PRRC2B: variants seen among roughly 807,000 people sequenced by gnomAD.
The protein encoded by PRRC2B is proline rich coiled-coil 2B, also known as protein PRRC2B.
A neutral mutation model predicts 242.3 loss-of-function variants in PRRC2B; 68 were observed. The ratio of observed to expected loss-of-function variants is 0.28; its 90% CI spans 0.23 to 0.34. The LOEUF is 0.34. Among genes scored for constraint, PRRC2B ranks in the 10% least tolerant of loss-of-function variants. The pLI, the probability that PRRC2B is intolerant of heterozygous loss-of-function variation, is 1.00. For missense variants in PRRC2B, 2,835 were observed against 2,954.8 expected, an observed-to-expected ratio of 0.96 and a Z score of 0.94; for synonymous variants, 1,228 against 1,173.6, an observed-to-expected ratio of 1.05 and a Z score of -0.95.
At chr9:131,459,437 C>A in intron 11 of PRRC2B, 81 bp downstream of exon 11, 2 of 1,131,276 alleles carry the variant, frequency 1.8e-6, no homozygotes, top group Non-Finnish European at 2.5e-6. Context: ...CCTAAGTGGG[C>A]ATTTCTTTTT....
In PRRC2B at chr9:131,487,413, A is replaced by C; in HGVS notation, c.5984+119A>C. The C allele has an allele frequency of 3.7e-5, 15 of 406,970 alleles. No homozygotes were observed. The highest frequency in any genetic ancestry group is 6.5e-5 in the Non-Finnish European group (14 of 216,110). The allele number at this position is 406,970 out of a possible 1,614,324, so 25.2% of individuals were successfully genotyped here. A position where few individuals can be genotyped will look rare whatever the true frequency, so the allele number is the denominator to read the frequency against. Reference sequence around the variant, plus strand: ...CTGCTTTGGGGCCAGTGGGGCGGGGAGGGGTGGGAGTTTGCTCTGAATCAC... The same window carrying C: ...CTGCTTTGGGGCCAGTGGGGCGGGGCGGGGTGGGAGTTTGCTCTGAATCAC... On this transcript the variant is annotated intron_variant, in intron 27 of 31. Coordinates refer to ENST00000683519, the MANE Select transcript of PRRC2B (RefSeq NM_013318.4). This position sits in a 1 kb window ranked among gnomAD's most constrained non-coding sequence, Gnocchi z 5.3.
chr9:131,487,502 G>A lies in PRRC2B; in HGVS notation c.5984+208G>A, dbSNP rs749270061. Among the ~76,000 whole-genome samples, 2 of 152,282 alleles carry A rather than the reference G, an allele frequency of 1.3e-5. No homozygotes were observed. The highest frequency in any genetic ancestry group is 1.9e-4 in the East Asian group (1 of 5,178). On this transcript the variant is annotated intron_variant, in intron 27 of 31. Transcript: ENST00000683519. This position sits in a 1 kb window ranked among gnomAD's most constrained non-coding sequence, Gnocchi z 5.3. ...GGGGCGAGCTGATATGTGGTGGGCC[G>A]TGTTTTGCTTTTCCATGTCATCTTG...
chr9:131,478,179 T>A (rs1288033105), intron 17 of PRRC2B, among the ~76,000 whole-genome samples: 1 of 152,106 alleles, frequency 6.6e-6, no homozygotes, highest in East Asian at 1.9e-4. Flanking sequence ...GCTTCCGGGC[T>A]TTAAAGAGAG....
intron 19 of PRRC2B, among the ~76,000 whole-genome samples, chr9:131,481,180 G>A (rs1943851107): frequency 6.6e-6 from 1 of 151,480 alleles, no homozygotes; most frequent in African/African-American, 2.4e-5. Context: ...CGTGGTGGCG[G>A]GCACCTATAG....
chr9:131,390,261 G>T (rs1392730245), upstream of PRRC2B, among the ~76,000 whole-genome samples: 1 of 149,932 alleles, frequency 6.7e-6, no homozygotes, highest in Non-Finnish European at 1.5e-5. Context: ...CAGTTCAACA[G>T]CATGGCCCCA....
intron 3 of PRRC2B, among the ~76,000 whole-genome samples, chr9:131,434,349 T>C (rs1251368063): frequency 3.9e-5 from 6 of 152,256 alleles, no homozygotes; most frequent in Non-Finnish European, 8.8e-5. Flanking sequence ...ATCCAGCCTT[T>C]ACTCTGCCTT....
chr9:131,468,217 T>C (rs1336109520), intron 13 of PRRC2B, among the ~76,000 whole-genome samples: 1 of 152,182 alleles, frequency 6.6e-6, no homozygotes, highest in East Asian at 1.9e-4. Flanking sequence ...ACGTCACCTT[T>C]GGGTTACAGA....
In PRRC2B at chr9:131,446,536, C is replaced by A. The variant is rs1329579256; in HGVS notation, c.749C>A (p.Ser250Tyr). 1.2e-6 allele frequency: 2 copies of A among 1,613,944 alleles called. No homozygotes were observed. Among genetic ancestry groups the A allele is most frequent in the Non-Finnish European group, 1.7e-6 (2 of 1,179,858 alleles). The change falls in exon 7 of 32, where the codon TCT becomes TAT. Residue 250 changes from serine to tyrosine, a missense_variant. By Grantham distance (144) the Ser-to-Tyr change is moderately radical. Coordinates refer to ENST00000683519, the MANE Select transcript of PRRC2B (RefSeq NM_013318.4). The surrounding 1 kb of genome is among the most constrained non-coding windows in gnomAD (Gnocchi z 4.1). ...GAPSSACTSD[S>Y]KDPSLRPAQP... ...CCCTCCTCGGCATGTACCAGCGATTCTAAGGACCCCTCTCTCCGCCCGGCT... is the reference window on the plus strand; with the variant it reads ...CCCTCCTCGGCATGTACCAGCGATTATAAGGACCCCTCTCTCCGCCCGGCT...
chr9:131,453,687 A>G (rs943519170), intron 9 of PRRC2B, among the ~76,000 whole-genome samples: 2 of 152,094 alleles, frequency 1.3e-5, no homozygotes, highest in Admixed American at 1.3e-4. Context: ...GTGCACCCCC[A>G]TGGCTGGCTA....
intron 1 of PRRC2B, among the ~76,000 whole-genome samples, chr9:131,402,166 G>C (rs1054755357): frequency 2.0e-5 from 3 of 152,174 alleles, no homozygotes; most frequent in African/African-American, 4.8e-5. Flanking sequence ...ATGTTGGCCA[G>C]GCTGGTCTCG....
At chr9:131,471,016 A>G (rs770324261) in intron 14 of PRRC2B, 33 bp downstream of exon 14, 3 of 1,497,642 alleles carry the variant, frequency 2.0e-6, no homozygotes, top group Non-Finnish European at 2.7e-6. Context: ...CCATACCTGT[A>G]TCACCCAGGA....
intron 1 of PRRC2B, among the ~76,000 whole-genome samples, chr9:131,398,944 C>G (rs1176993547): frequency 6.6e-6 from 1 of 151,250 alleles, no homozygotes; most frequent in African/African-American, 2.4e-5. Context: ...TGCCACTGCA[C>G]TCTAGCCTGG....
chr9:131,480,328 C>T (rs543200639), intron 19 of PRRC2B, among the ~76,000 whole-genome samples: 1 of 152,320 alleles, frequency 6.6e-6, no homozygotes, highest in South Asian at 2.1e-4. Flanking sequence ...TCAACATGCC[C>T]AGCTTTGATG....
At position 131,487,946 on chromosome 9, in the gene PRRC2B, C is replaced by G; in HGVS notation, c.6075C>G (p.Phe2025Leu). ...CCTTGAAGCCTCCATACTCGGCGTT[C>G]CCAGGCATGCAGCCCTTGGAGATGG... ...GTALKPPYSA[F>L]PGMQPLEMVK... is the part of the protein sequence containing the mutation. The change falls in exon 28 of 32, where the codon TTC becomes TTG. Residue 2025 changes from phenylalanine (F) to leucine (L), a missense_variant. Physicochemically the swap from Phe to Leu is conservative, Grantham distance 22 (BLOSUM62 0). This residue lies in a region of PRRC2B where 574 missense variants were observed against 626.0 expected (regional missense o/e 0.92). Transcript: ENST00000683519. The surrounding 1 kb of genome is among the most constrained non-coding windows in gnomAD (Gnocchi z 5.3). The G allele has an allele frequency of 1.2e-6, 2 of 1,613,538 alleles. No homozygotes were observed. The highest frequency in any genetic ancestry group is 1.7e-6 in the Non-Finnish European group (2 of 1,179,690).
intron 9 of PRRC2B, among the ~76,000 whole-genome samples, chr9:131,449,016 T>G (rs1447123735): frequency 6.6e-6 from 1 of 152,150 alleles, no homozygotes; most frequent in Non-Finnish European, 1.5e-5. Flanking sequence ...CTAGATTAGT[T>G]TTGCCTAGTT....
Position 131,446,346 on chromosome 9 carries a change from A to G in PRRC2B, c.614-55A>G. On this transcript the variant is annotated intron_variant, in intron 6 of 31. Coordinates refer to ENST00000683519, the MANE Select transcript of PRRC2B (RefSeq NM_013318.4). The surrounding 1 kb of genome is among the most constrained non-coding windows in gnomAD (Gnocchi z 4.1). ...CCCTTGACCTTCAGAACCTCATACG[A>G]TCCCTCCTTCCCCCTCCTCTTCCCT... 1 of 1,597,276 alleles carries G rather than the reference A, an allele frequency of 6.3e-7. No individual in the cohort carries two copies. The highest frequency in any genetic ancestry group is 8.5e-7 in the Non-Finnish European group (1 of 1,171,208).
intron 22 of PRRC2B, among the ~76,000 whole-genome samples, chr9:131,483,124 T>G (rs568814364): frequency 2.6e-5 from 4 of 152,248 alleles, no homozygotes; most frequent in African/African-American, 9.6e-5. Context: ...GACAGGCCAG[T>G]GATCTTCCCT....
intron 2 of PRRC2B, 82 bp from the exon 3 acceptor site, chr9:131,432,535 G>A: frequency 1.0e-5 from 14 of 1,340,144 alleles, no homozygotes; most frequent in East Asian, 2.3e-5. Flanking sequence ...CTTAGAGATT[G>A]AAAGAACAGC....
chr9:131,413,173 T>A (rs1837550014), intron 1 of PRRC2B, among the ~76,000 whole-genome samples: 1 of 152,226 alleles, frequency 6.6e-6, no homozygotes, highest in African/African-American at 2.4e-5. Flanking sequence ...GGTCATAGCC[T>A]GTTCCTTTTT....
Sources: gnomAD v4.1 joint callset for allele counts (sites outside exome capture counted in the v4.1 genomes callset) on GRCh38, gnomAD v4.1.1 for gene constraint, gnomAD v4.1.1 regional missense constraint, Gnocchi (gnomAD v3.1) non-coding constraint, MANE v1.5 for transcripts, NCBI Gene and HGNC (gene_info 2026-07-23, HGNC 2026-07-21) for gene names.